CCBE1: variants seen among roughly 807,000 people sequenced by gnomAD.
CCBE1 encodes collagen and calcium-binding EGF domain-containing protein 1.
Under a neutral mutation model 50.0 loss-of-function variants are expected in CCBE1, and 37 were observed. The observed-to-expected ratio is 0.74, with a 90% confidence interval of 0.57 to 0.97. The LOEUF is 0.97. Ranked by LOEUF, CCBE1 falls within the 50% of genes least tolerant of loss-of-function variation. The pLI is 0.00. For synonymous variants in CCBE1, 234 were observed against 203.7 expected, an observed-to-expected ratio of 1.15 and a Z score of -1.27; for missense variants, 538 against 523.8, an observed-to-expected ratio of 1.03 and a Z score of -0.26.
intron 2 of CCBE1, among the ~76,000 whole-genome samples, chr18:59,555,252 A>G (rs7245331): frequency 0.11 from 15,997 of 152,228 alleles, 946 homozygotes; most frequent in African/African-American, 0.16. Flanking sequence ...CAAATGACTA[A>G]AAGTTTAAAA....
Position 59,454,993 on chromosome 18 carries a change from T to C in CCBE1, c.554-42A>G, listed in dbSNP as rs149249196. On this transcript the variant is annotated intron_variant, in intron 5 of 10. Coordinates refer to ENST00000439986, the MANE Select transcript of CCBE1 (RefSeq NM_133459.4). Reference sequence around the variant, plus strand: ...GCTCAGTCCTGTCTGGGAGGCTGGATGCAAGCCAGACCCAGAGAGACAGCA... The same window carrying C: ...GCTCAGTCCTGTCTGGGAGGCTGGACGCAAGCCAGACCCAGAGAGACAGCA... 51 of 1,500,028 alleles carry C rather than the reference T, an allele frequency of 3.4e-5. No homozygotes were observed. In the African/African-American group the frequency reaches 6.6e-4, roughly 19 times the overall value. The allele number at this position is 1,500,028 out of a possible 1,614,324, so 92.9% of individuals were successfully genotyped here.
chr18:59,447,906 C>A, intron 7 of CCBE1, 77 bp downstream of exon 7: 1 of 1,605,528 alleles, frequency 6.2e-7, no homozygotes, highest in Non-Finnish European at 8.5e-7. Flanking sequence ...GAACATTGTC[C>A]AGGCCCCAGC....
At chr18:59,606,507 A>T (rs992797392) in intron 2 of CCBE1, among the ~76,000 whole-genome samples, 1 of 152,192 alleles carries the variant, frequency 6.6e-6, no homozygotes, top group South Asian at 2.1e-4. Flanking sequence ...AGTAGTAAAC[A>T]TAACTTTACT....
intron 2 of CCBE1, among the ~76,000 whole-genome samples, chr18:59,495,711 G>C (rs1304084877): frequency 6.6e-6 from 1 of 151,900 alleles, no homozygotes; most frequent in Non-Finnish European, 1.5e-5. Context: ...GGAAAAGGAA[G>C]ATGACCCTCT....
At chr18:59,496,391 ATAT>A (rs1191721194) in intron 2 of CCBE1, among the ~76,000 whole-genome samples, 5 of 152,214 alleles carry the variant, frequency 3.3e-5, no homozygotes, top group Non-Finnish European at 7.3e-5. Flanking sequence ...CCTATCCAAG[ATAT>A]TATTTATAAA....
chr18:59,455,131 G>C, intron 5 of CCBE1, 180 bp from the exon 6 acceptor site: 1 of 689,990 alleles, frequency 1.4e-6, no homozygotes, highest in Non-Finnish European at 2.7e-6. Context: ...GGTCAGGGAA[G>C]AGGGGAGGAC....
At chr18:59,586,101 G>A (rs1001134404) in intron 2 of CCBE1, among the ~76,000 whole-genome samples, 5 of 152,156 alleles carry the variant, frequency 3.3e-5, no homozygotes, top group East Asian at 1.9e-4. Context: ...AATAGTACAC[G>A]AAAACTAGTA....
At chr18:59,437,122 A>G (rs1910194679) in intron 10 of CCBE1, among the ~76,000 whole-genome samples, 2 of 152,200 alleles carry the variant, frequency 1.3e-5, no homozygotes, top group Admixed American at 6.5e-5. Context: ...AAATCTTCCT[A>G]ATTTTTCTAT....
At chr18:59,538,596 T>A (rs1915343312) in intron 2 of CCBE1, among the ~76,000 whole-genome samples, 1 of 152,020 alleles carries the variant, frequency 6.6e-6, no homozygotes, top group Non-Finnish European at 1.5e-5. Flanking sequence ...GTGCTACACA[T>A]GACATCCTGG....
intron 2 of CCBE1, among the ~76,000 whole-genome samples, chr18:59,513,675 C>A (rs1003445550): frequency 6.6e-6 from 1 of 152,202 alleles, no homozygotes; most frequent in Non-Finnish European, 1.5e-5. Context: ...TAGCTTCTGG[C>A]TATCCTGAAA....
Position 59,438,100 on chromosome 18 carries a change from GTGCTACTTAC to G in CCBE1, c.987+1_987+10del. Reference sequence around the variant, plus strand: ...TTCCCCTGGGGAAGCAGGACACAGAGTGCTACTTACTGGAGACCCTCTGGGCCCAGGCGCT... The same window carrying G: ...TTCCCCTGGGGAAGCAGGACACAGAGTGGAGACCCTCTGGGCCCAGGCGCT... On this transcript the variant is annotated splice_donor_variant and splice_donor_5th_base_variant and intron_variant, in intron 10 of 10. Transcript: ENST00000439986. LOFTEE classifies it high-confidence loss of function. The G allele has an allele frequency of 6.2e-7, 1 of 1,614,022 alleles. No individual in the cohort carries two copies.
intron 2 of CCBE1, among the ~76,000 whole-genome samples, chr18:59,526,094 T>C (rs1914807940): frequency 6.6e-6 from 1 of 152,204 alleles, no homozygotes. Context: ...ATATGAATTT[T>C]AAAGTAGTTT....
At position 59,515,953 on chromosome 18, in the gene CCBE1, T is replaced by C. The variant is rs553185623; in HGVS notation, c.213-35715A>G. 1.8e-4 allele frequency among the ~76,000 whole-genome samples: 27 copies of C among 151,860 alleles called. No homozygotes were observed. In the South Asian group the frequency reaches 2.9e-3, roughly 16 times the overall value. On this transcript the variant is annotated intron_variant, in intron 2 of 10. Coordinates refer to ENST00000439986, the MANE Select transcript of CCBE1 (RefSeq NM_133459.4). ...GCCCTATTTTGATGCTCAAGCAACA[T>C]TTGTGCTTTTACTTTTATTTTTTTG...
At chr18:59,623,363 T>C (rs906492694) in intron 2 of CCBE1, among the ~76,000 whole-genome samples, 12 of 152,292 alleles carry the variant, frequency 7.9e-5, no homozygotes, top group African/African-American at 2.6e-4. Flanking sequence ...TGGTCTCCCA[T>C]TGTACAAAAG....
At chr18:59,439,930 G>T in intron 7 of CCBE1, 114 bp from the exon 8 acceptor site, 1 of 1,136,074 alleles carries the variant, frequency 8.8e-7, no homozygotes, top group Non-Finnish European at 1.3e-6. Context: ...CTCTGCCTTT[G>T]CCTTCTGACA....
At chr18:59,525,430 G>T (rs995730279) in intron 2 of CCBE1, among the ~76,000 whole-genome samples, 1 of 151,986 alleles carries the variant, frequency 6.6e-6, no homozygotes, top group African/African-American at 2.4e-5. Context: ...TTTTTTTCCT[G>T]TAGATTCTGG....
At chr18:59,676,102 C>T (rs1355423754) in intron 2 of CCBE1, among the ~76,000 whole-genome samples, 6 of 152,208 alleles carry the variant, frequency 3.9e-5, no homozygotes, top group African/African-American at 1.4e-4. Context: ...TTTGACCAAA[C>T]TGTACTTAGG....
At chr18:59,446,316 G>T (rs1910667152) in intron 7 of CCBE1, among the ~76,000 whole-genome samples, 1 of 152,200 alleles carries the variant, frequency 6.6e-6, no homozygotes, top group Non-Finnish European at 1.5e-5. Context: ...CTATAGCCTG[G>T]AGTTGACTTC....
chr18:59,544,358 A>C (rs1321331274), intron 2 of CCBE1, among the ~76,000 whole-genome samples: 1 of 152,162 alleles, frequency 6.6e-6, no homozygotes, highest in Non-Finnish European at 1.5e-5. Context: ...GCTTTTTATT[A>C]AGAAATTTTA....
Sources: allele counts gnomAD v4.1 joint callset (sites outside exome capture counted in the v4.1 genomes callset), GRCh38; gene constraint gnomAD v4.1.1; transcripts MANE v1.5; gene names NCBI Gene and HGNC (gene_info 2026-07-23, HGNC 2026-07-21).